Variants in WDR25 observed in about 807,000 individuals in gnomAD.
The protein encoded by WDR25 is WD repeat domain 25.
A neutral mutation model predicts 47.7 loss-of-function variants in WDR25; 35 were observed. The ratio of observed to expected loss-of-function variants is 0.73; its 90% CI spans 0.56 to 0.97. The LOEUF (loss-of-function observed/expected upper bound fraction) is 0.97. WDR25 is among the 50% of genes least tolerant of loss of function. The pLI, the probability that WDR25 is intolerant of heterozygous loss-of-function variation, is 0.00. For missense variants in WDR25, 634 were observed against 704.7 expected, an observed-to-expected ratio of 0.90 and a Z score of 1.14; for synonymous variants, 248 against 278.9, an observed-to-expected ratio of 0.89 and a Z score of 1.10.
chr14:100,460,796 G>T (rs528585668), intron 2 of WDR25, among the ~76,000 whole-genome samples: 1 of 152,192 alleles, frequency 6.6e-6, no homozygotes, highest in Non-Finnish European at 1.5e-5. Context: ...ATAGGCAAGG[G>T]TGTCACGGAG....
At chr14:100,516,392 G>A (rs1025011498) in intron 4 of WDR25, among the ~76,000 whole-genome samples, 10 of 152,022 alleles carry the variant, frequency 6.6e-5, no homozygotes, top group Admixed American at 3.3e-4. Context: ...TTCCTTTCCC[G>A]GTTTGTGTAG....
chr14:100,491,292 CTG>C (rs1470063282), intron 4 of WDR25, among the ~76,000 whole-genome samples: 1 of 152,252 alleles, frequency 6.6e-6, no homozygotes, highest in East Asian at 1.9e-4. Context: ...TGGGGCAAGA[CTG>C]TGAACTGGGG....
intron 4 of WDR25, among the ~76,000 whole-genome samples, chr14:100,519,353 T>G (rs1396102067): frequency 6.6e-6 from 1 of 152,032 alleles, no homozygotes; most frequent in Non-Finnish European, 1.5e-5. Flanking sequence ...AATTTAGAAT[T>G]TTTTTCTATC....
chr14:100,529,438 C>A lies in WDR25; in HGVS notation c.1413+230C>A. 1 of 652,784 alleles carries A rather than the reference C, an allele frequency of 1.5e-6. No individual in the cohort carries two copies. The highest frequency in any genetic ancestry group is 2.6e-6 in the Non-Finnish European group (1 of 385,756). The allele number at this position is 652,784 out of a possible 1,614,324, so 40.4% of individuals were successfully genotyped here. A position where few individuals can be genotyped will look rare whatever the true frequency, so the allele number is the denominator to read the frequency against. On this transcript the variant is annotated intron_variant, in intron 6 of 6. Coordinates refer to ENST00000402312, the MANE Select transcript of WDR25 (RefSeq NM_001161476.3). This position sits in a 1 kb window ranked among gnomAD's most constrained non-coding sequence, Gnocchi z 5.1. ...GGCAGGAAGCAGTAGTTGGCTCACA[C>A]AGACAGGTCTCAGAAGTGGGGGGCA...
At chr14:100,453,898 TGAATAGAGA>T (rs1899119676) in intron 2 of WDR25, among the ~76,000 whole-genome samples, 1 of 152,242 alleles carries the variant, frequency 6.6e-6, no homozygotes, top group Non-Finnish European at 1.5e-5. Context: ...CTGACCTTAT[TGAATAGAGA>T]GAATAATTTC....
Position 100,381,527 on chromosome 14 carries a change from G to T in WDR25, c.603G>T (p.Gly201=), listed in dbSNP as rs775873279. Residue 201 remains glycine, a synonymous_variant, in exon 2 of 7, where the codon GGG becomes GGT. Transcript: ENST00000402312. ...AGGGTAAAGACGTGGAGCCACAGGG[G>T]CCCCCTGCAGGGCGTGCCCCAGCCC... ...TGKGKDVEPQ[G]PPAGRAPAPL... is the part of the protein sequence containing the mutation. 3.1e-6 allele frequency: 5 copies of T among 1,613,974 alleles called. No homozygotes were observed. The South Asian group carries it at 4.4e-5, about 14-fold the overall frequency.
chr14:100,382,272 G>C, intron 2 of WDR25: 1 of 674,642 alleles, frequency 1.5e-6, no homozygotes. Flanking sequence ...GGTGCTCTGG[G>C]AGCCCAACGG....
chr14:100,486,270 G>A (rs185670652), intron 4 of WDR25, among the ~76,000 whole-genome samples: 47 of 152,208 alleles, frequency 3.1e-4, no homozygotes, highest in African/African-American at 1.0e-3. Flanking sequence ...CACCAAGGAC[G>A]CCATCTGATT....
rs118160802 is a variant in WDR25 at position 100,419,969 on chromosome 14, G to C, written c.822+38223G>C. The stretch of plus-strand genomic sequence containing the variant: ...ATGTGGAATTTCCCCTGGGTTCTTT[G>C]TATCAGGTTGCCCCATTGCCTTGGG... On this transcript the variant is annotated intron_variant, in intron 2 of 6. Coordinates refer to ENST00000402312, the MANE Select transcript of WDR25 (RefSeq NM_001161476.3). Among the ~76,000 whole-genome samples, 196 of 152,354 alleles carry C rather than the reference G, an allele frequency of 1.3e-3. 2 individuals are homozygous for C. Among genetic ancestry groups the C allele is most frequent in the Middle Eastern group, 3.4e-3 (1 of 294 alleles).
intron 2 of WDR25, among the ~76,000 whole-genome samples, chr14:100,432,261 A>G (rs1170512238): frequency 1.3e-5 from 2 of 152,262 alleles, no homozygotes; most frequent in Non-Finnish European, 2.9e-5. Context: ...AAGGAAAGGA[A>G]GATATCTTGC....
chr14:100,402,176 G>A (rs1897399100), intron 2 of WDR25, among the ~76,000 whole-genome samples: 1 of 152,134 alleles, frequency 6.6e-6, no homozygotes, highest in African/African-American at 2.4e-5. Context: ...AAAGCTTTCT[G>A]TTTGTAACTT....
intron 2 of WDR25, among the ~76,000 whole-genome samples, chr14:100,383,720 T>C (rs1400315572): frequency 6.6e-6 from 1 of 152,232 alleles, no homozygotes; most frequent in Non-Finnish European, 1.5e-5. Flanking sequence ...AGAGAGCACC[T>C]GAGTAGAGGC....
intron 2 of WDR25, among the ~76,000 whole-genome samples, chr14:100,390,391 CTG>C (rs55802109): frequency 0.04 from 5,916 of 146,614 alleles, 213 homozygotes; most frequent in African/African-American, 0.088. Flanking sequence ...TGACCAAAAG[CTG>C]TGTGTGTGTG....
intron 2 of WDR25, among the ~76,000 whole-genome samples, chr14:100,414,152 C>T (rs1021574862): frequency 4.6e-5 from 7 of 151,620 alleles, no homozygotes; most frequent in African/African-American, 7.3e-5. Flanking sequence ...TGCACCACCA[C>T]GCCTGGCTAA....
chr14:100,478,890 T>A (rs1482626418), intron 3 of WDR25, among the ~76,000 whole-genome samples: 1 of 152,208 alleles, frequency 6.6e-6, no homozygotes, highest in Non-Finnish European at 1.5e-5. Flanking sequence ...AAGCATATGG[T>A]TATATGCTAT....
chr14:100,399,846 G>T (rs1045488324), intron 2 of WDR25, among the ~76,000 whole-genome samples: 8 of 152,196 alleles, frequency 5.3e-5, no homozygotes, highest in Admixed American at 1.3e-4. Flanking sequence ...TGTGGCTCCA[G>T]AAGACTGGGT....
intron 2 of WDR25, among the ~76,000 whole-genome samples, chr14:100,388,880 C>G (rs1229142080): frequency 6.6e-6 from 1 of 152,246 alleles, no homozygotes; most frequent in Admixed American, 6.5e-5. Flanking sequence ...TGTGAAGGTG[C>G]AGCCTCTGTC....
chr14:100,397,930 G>A (rs775102658), intron 2 of WDR25, among the ~76,000 whole-genome samples: 7 of 152,098 alleles, frequency 4.6e-5, no homozygotes, highest in African/African-American at 1.2e-4. Flanking sequence ...CCTCTGCCTC[G>A]CAGGCTCAAG....
chr14:100,481,139 A>C, intron 3 of WDR25: 1 of 440,208 alleles, frequency 2.3e-6, no homozygotes, highest in East Asian at 7.1e-5. Context: ...AAAAGGGAAA[A>C]GGGGAGCAAA....
Sources: gnomAD v4.1 joint callset for allele counts (sites outside exome capture counted in the v4.1 genomes callset) on GRCh38, gnomAD v4.1.1 for gene constraint, Gnocchi (gnomAD v3.1) non-coding constraint, MANE v1.5 for transcripts, NCBI Gene and HGNC (gene_info 2026-07-23, HGNC 2026-07-21) for gene names.